The following DHRSX variants were observed in gnomAD, a reference collection of about 807,000 sequenced individuals.
The protein encoded by DHRSX is dehydrogenase/reductase X-linked, also known as polyprenol dehydrogenase.
A neutral mutation model predicts 34.0 loss-of-function variants in DHRSX; 31 were observed. That is an observed-to-expected ratio of 0.91 (90% CI 0.69 to 1.23). The LOEUF (loss-of-function observed/expected upper bound fraction) is 1.23. Among genes scored for constraint, DHRSX ranks in the 50% most tolerant of loss-of-function variants. DHRSX has a pLI of 0.00. For missense variants in DHRSX, 414 were observed against 428.1 expected (o/e 0.97, Z 0.29); for synonymous variants, 201 against 183.8 (o/e 1.09, Z -0.76).
Position 2,345,593 on chromosome X carries a change from GCCAAGATCGCA to G in DHRSX, c.287-54001_287-53991del, listed in dbSNP as rs995097981. On this transcript the variant is annotated intron_variant, in intron 3 of 6. Coordinates refer to ENST00000334651, the MANE Select transcript of DHRSX (RefSeq NM_145177.3). ...ACCTGGGAGATAGAAGTTGCATTGA[GCCAAGATCGCA>G]CCGAGATCGCATCGTACCCCAGCCT... is the stretch of plus-strand genomic sequence containing the variant. Among the ~76,000 whole-genome samples the G allele has an allele frequency of 3.9e-3, 582 of 149,662 alleles. 10 individuals carry two copies. The highest frequency in any genetic ancestry group is 0.013 in the African/African-American group (512 of 40,484).
chrX:2,453,354 T>A (rs1416554043), intron 1 of DHRSX, among the ~76,000 whole-genome samples: 1 of 149,864 alleles, frequency 6.7e-6, no homozygotes, highest in African/African-American at 2.5e-5. Flanking sequence ...GGCAACAGAA[T>A]GAAACCCCAT....
At chrX:2,480,267 G>A (rs2044748958) in intron 1 of DHRSX, among the ~76,000 whole-genome samples, 1 of 151,200 alleles carries the variant, frequency 6.6e-6, no homozygotes, top group African/African-American at 2.4e-5. Context: ...CAGGCACAGA[G>A]AGACAAATAC....
chrX:2,259,047 A>T (rs1409504138), intron 5 of DHRSX, among the ~76,000 whole-genome samples: 5 of 152,110 alleles, frequency 3.3e-5, no homozygotes, highest in African/African-American at 1.2e-4. Context: ...GGCCGAGGCG[A>T]GAGGATCACG....
At chrX:2,381,085 C>T (rs143785346) in intron 3 of DHRSX, among the ~76,000 whole-genome samples, 10,182 of 152,038 alleles carry the variant, frequency 0.067, 721 homozygotes, top group African/African-American at 0.17. Context: ...AGGCTGGCCT[C>T]GAACTCCTGA....
chrX:2,356,775 CTT>C (rs1457705928), intron 3 of DHRSX, among the ~76,000 whole-genome samples: 1 of 152,188 alleles, frequency 6.6e-6, no homozygotes, highest in African/African-American at 2.4e-5. Context: ...TGTAGTTTCT[CTT>C]TCTCATGATT....
intron 6 of DHRSX, among the ~76,000 whole-genome samples, chrX:2,240,353 C>T (rs2016113003): frequency 1.3e-5 from 2 of 150,742 alleles, no homozygotes; most frequent in Admixed American, 1.3e-4. Flanking sequence ...ATGAGAGATT[C>T]GAAGAACAAC....
At chrX:2,442,365 T>G (rs1191946971) in intron 1 of DHRSX, among the ~76,000 whole-genome samples, 1 of 151,342 alleles carries the variant, frequency 6.6e-6, no homozygotes, top group East Asian at 1.9e-4. Flanking sequence ...ACCTATGGAG[T>G]TTACACCTGT....
At chrX:2,404,638 T>G (rs994945275) in intron 3 of DHRSX, among the ~76,000 whole-genome samples, 11 of 152,194 alleles carry the variant, frequency 7.2e-5, no homozygotes, top group Non-Finnish European at 1.6e-4. Flanking sequence ...ATAAAACATA[T>G]TATTCCTTAA....
In DHRSX at chrX:2,324,759, TTTTTC is replaced by T. The variant is rs1340719084; in HGVS notation, c.287-33161_287-33157del. 3.7e-3 allele frequency among the ~76,000 whole-genome samples: 559 copies of T among 150,122 alleles called. 7 individuals carry two copies. Among genetic ancestry groups the T allele is most frequent in the African/African-American group, 0.012 (500 of 40,464 alleles). The stretch of plus-strand genomic sequence containing the variant: ...GGGTATGGGAGTCCTCGGCAAGGCT[TTTTTC>T]TTTTCTTTTTTTTTTTTTTTTTGAG... On this transcript the variant is annotated intron_variant, in intron 3 of 6. Transcript: ENST00000334651.
At chrX:2,239,459 T>A (rs1245842979) in intron 6 of DHRSX, among the ~76,000 whole-genome samples, 1 of 149,676 alleles carries the variant, frequency 6.7e-6, no homozygotes, top group Non-Finnish European at 1.5e-5. Context: ...ACCTGGTCTC[T>A]AAAAAATTTA....
chrX:2,344,871 GCATATATATATATA>G (rs2042682451), intron 3 of DHRSX, among the ~76,000 whole-genome samples: 1 of 27,262 alleles, frequency 3.7e-5, no homozygotes, highest in African/African-American at 1.5e-4. Context: ...ATAAAAAGAA[GCATATATATATATA>G]TATATATATA....
rs1226072745 is a variant in DHRSX at position 2,291,490 on chromosome X, A to G, written c.388+12T>C. 1.2e-6 allele frequency: 2 copies of G among 1,606,416 alleles called. No individual in the cohort carries two copies. The highest frequency in any genetic ancestry group is 1.7e-6 in the Non-Finnish European group (2 of 1,173,476). On this transcript the variant is annotated intron_variant, in intron 4 of 6. Coordinates refer to ENST00000334651, the MANE Select transcript of DHRSX (RefSeq NM_145177.3). Reference sequence around the variant, plus strand: ...TTAACCCCTGGCTTGCTGCAATTTCACCAGGACTCACCATTGTTGATCAGG... The same window carrying G: ...TTAACCCCTGGCTTGCTGCAATTTCGCCAGGACTCACCATTGTTGATCAGG...
rs867911166 is a variant in DHRSX, at chrX:2,224,632, G to A, written c.805-3403C>T. ...CACACGCACACACATATTCATGTGC[G>A]CATGGTCACTTACATGCTGACATGC... On this transcript the variant is annotated intron_variant, in intron 6 of 6. Transcript: ENST00000334651. Among the ~76,000 whole-genome samples, 6 of 151,734 alleles carry A rather than the reference G, an allele frequency of 4.0e-5. No individual in the cohort carries two copies. In the South Asian group the frequency reaches 6.2e-4, roughly 16 times the overall value.
intron 4 of DHRSX, 22 bp downstream of exon 4, chrX:2,291,480 C>G: frequency 6.3e-7 from 1 of 1,586,120 alleles, no homozygotes; most frequent in African/African-American, 1.3e-5. Flanking sequence ...CCCTGGCTTG[C>G]TGCAATTTCA....
chrX:2,486,434 A>G (rs1258628858), intron 1 of DHRSX: 3 of 152,230 alleles, frequency 2.0e-5, no homozygotes, highest in Non-Finnish European at 4.4e-5. Flanking sequence ...TGAGGAGCTA[A>G]TGCATTGCTC....
At chrX:2,341,245 C>T (rs1423997333) in intron 3 of DHRSX, among the ~76,000 whole-genome samples, 2 of 152,110 alleles carry the variant, frequency 1.3e-5, no homozygotes, top group Non-Finnish European at 2.9e-5. Flanking sequence ...TTCTCCAGAG[C>T]TTACAGGTTG....
intron 3 of DHRSX, among the ~76,000 whole-genome samples, chrX:2,335,087 A>C (rs1279203244): frequency 6.6e-6 from 1 of 151,216 alleles, no homozygotes; most frequent in East Asian, 2.0e-4. Context: ...GAGGAGGCTG[A>C]GGCAGGGGAA....
intron 3 of DHRSX, among the ~76,000 whole-genome samples, chrX:2,335,450 GGT>G (rs111917194): frequency 1.0e-4 from 15 of 149,354 alleles, no homozygotes; most frequent in South Asian, 4.2e-4. Flanking sequence ...ATTTTTTTGG[GGT>G]GTGTGTGTGT....
chrX:2,461,056 T>C (rs1468082129), intron 1 of DHRSX, among the ~76,000 whole-genome samples: 2 of 152,132 alleles, frequency 1.3e-5, no homozygotes, highest in Non-Finnish European at 2.9e-5. Flanking sequence ...TTTATTATTC[T>C]TTGCAGTTTT....
Sources: allele counts gnomAD v4.1 joint callset (sites outside exome capture counted in the v4.1 genomes callset), GRCh38; gene constraint gnomAD v4.1.1; transcripts MANE v1.5; gene names NCBI Gene and HGNC (gene_info 2026-07-23, HGNC 2026-07-21).